The following PRKDC variants were observed in gnomAD, a reference collection of about 807,000 sequenced individuals.
PRKDC encodes the protein DNA-dependent protein kinase catalytic subunit.
Under a neutral mutation model 486.9 loss-of-function variants are expected in PRKDC, and 82 were observed. That is an observed-to-expected ratio of 0.17 (90% CI 0.14 to 0.20). PRKDC has a LOEUF of 0.20. PRKDC is among the 10% of genes least tolerant of loss of function. PRKDC has a pLI of 1.00. For synonymous variants in PRKDC, 1,895 were observed against 1,837.0 expected, an observed-to-expected ratio of 1.03 and a Z score of -0.81; for missense variants, 4,504 against 5,038.2, an observed-to-expected ratio of 0.89 and a Z score of 3.21.
At chr8:47,928,605 T>C (rs1270576176) in intron 19 of PRKDC, among the ~76,000 whole-genome samples, 2 of 151,602 alleles carry the variant, frequency 1.3e-5, no homozygotes, top group African/African-American at 4.8e-5. Flanking sequence ...CAGGCTGGAG[T>C]GCAGTGGCAC....
In PRKDC at chr8:47,888,650, G is replaced by C. The variant is rs989583962; in HGVS notation, c.4281C>G (p.Ser1427Arg). Residue 1427 changes from serine to arginine, a missense_variant and splice_region_variant, in exon 34 of 86, where the codon AGC (serine) becomes AGG (arginine). This residue lies in a region of PRKDC where 1,969 missense variants were observed against 2,068.9 expected (regional missense o/e 0.95). Transcript: ENST00000314191. ...AGTTGACGGCACAAAGCTCCTCAAT[G>C]CTGGCCATGTGACAAAACAGTAAAT... is the stretch of plus-strand genomic sequence containing the variant. ...THLREKITAQ[S>R]IEELCAVNLY... The C allele has an allele frequency of 1.3e-6, 2 of 1,577,214 alleles. No individual in the cohort carries two copies. The highest frequency in any genetic ancestry group is 1.7e-6 in the Non-Finnish European group (2 of 1,162,974).
At chr8:47,777,014 GATC>G in intron 84 of PRKDC, 31 bp from the exon 85 acceptor site, 1 of 1,599,724 alleles carries the variant, frequency 6.3e-7, no homozygotes, top group Non-Finnish European at 8.5e-7. Context: ...TTTCCCGGCT[GATC>G]ATAATGGTAT....
intron 21 of PRKDC, among the ~76,000 whole-genome samples, chr8:47,923,807 C>T (rs1460637510): frequency 6.6e-6 from 1 of 152,124 alleles, no homozygotes; most frequent in Non-Finnish European, 1.5e-5. Context: ...CTGAATCCTG[C>T]CAACAACCTA....
rs1363927432 is a variant in PRKDC, at chr8:47,855,233, G to A, written c.6750C>T (p.Ser2250=). 5.0e-6 allele frequency: 8 copies of A among 1,601,610 alleles called. No homozygotes were observed. The highest frequency in any genetic ancestry group is 3.4e-5 in the South Asian group (3 of 88,756). The change falls in exon 50 of 86, where the codon TCC becomes TCT. Residue 2250 remains serine (S), a synonymous_variant. Transcript: ENST00000314191. The stretch of plus-strand genomic sequence containing the variant: ...ACCAGTAAACATACCTATAAGGGAT[G>A]GATAAACAATCCTTCCAGCACTCGA... ...TLVECWKDCL[S]IPYRLIFEKF... is the part of the protein sequence containing the mutation.
chr8:47,897,028 CTG>C, intron 30 of PRKDC, 131 bp downstream of exon 30: 4 of 1,031,868 alleles, frequency 3.9e-6, no homozygotes, highest in Non-Finnish European at 5.5e-6. Flanking sequence ...ACCTCATCAA[CTG>C]TTAATATTCT....
chr8:47,954,781 GA>G (rs758225962), intron 4 of PRKDC, among the ~76,000 whole-genome samples: 32 of 152,108 alleles, frequency 2.1e-4, no homozygotes, highest in Non-Finnish European at 4.1e-4. Context: ...GGAGCAACCA[GA>G]AACAAAGGAA....
At chr8:47,935,275 G>A (rs761187315) in intron 13 of PRKDC, among the ~76,000 whole-genome samples, 22 of 152,174 alleles carry the variant, frequency 1.4e-4, no homozygotes, top group Non-Finnish European at 2.9e-4. Context: ...GCTGAGGCAG[G>A]TGGATCAAAA....
At chr8:47,902,171 C>A (rs182437032) in intron 27 of PRKDC, among the ~76,000 whole-genome samples, 6 of 152,256 alleles carry the variant, frequency 3.9e-5, no homozygotes, top group African/African-American at 4.8e-5. Flanking sequence ...TCTCTACCCC[C>A]CCACCACCCA....
chr8:47,950,103 C>T (rs1322915370), intron 7 of PRKDC, among the ~76,000 whole-genome samples: 1 of 151,890 alleles, frequency 6.6e-6, no homozygotes, highest in Non-Finnish European at 1.5e-5. Flanking sequence ...GAAACCCCAT[C>T]TTTACTAAAA....
chr8:47,828,458 A>G, intron 61 of PRKDC, 111 bp from the exon 62 acceptor site: 1 of 838,914 alleles, frequency 1.2e-6, no homozygotes, highest in East Asian at 2.7e-5. Context: ...CATCTATTAT[A>G]CCTCTCAATT....
At chr8:47,900,722 G>A (rs1314681086) in intron 27 of PRKDC, among the ~76,000 whole-genome samples, 3 of 151,990 alleles carry the variant, frequency 2.0e-5, no homozygotes, top group African/African-American at 4.8e-5. Flanking sequence ...GGTGGCAGGC[G>A]CCTGTAGCCC....
chr8:47,854,408 G>A lies in PRKDC; in HGVS notation c.6762-194C>T, dbSNP rs566934603. Among the ~76,000 whole-genome samples the A allele has an allele frequency of 3.1e-4, 47 of 152,198 alleles. 1 individual carries two copies. Among genetic ancestry groups the A allele is most frequent in the African/African-American group, 9.4e-4 (39 of 41,528 alleles). On this transcript the variant is annotated intron_variant, in intron 50 of 85. Coordinates refer to ENST00000314191, the MANE Select transcript of PRKDC (RefSeq NM_006904.7). Reference sequence around the variant, plus strand: ...GCTGGAGTGCAGTTGGCATGATCTCGGCTTGCTGCAAGCTCTGCCCCCTGG... The same window carrying A: ...GCTGGAGTGCAGTTGGCATGATCTCAGCTTGCTGCAAGCTCTGCCCCCTGG...
chr8:47,784,028 G>A, intron 77 of PRKDC: 1 of 515,828 alleles, frequency 1.9e-6, no homozygotes, highest in Non-Finnish European at 3.5e-6. Flanking sequence ...GGAGGCCAAG[G>A]CGAGCAGATC....
chr8:47,862,063 T>C lies in PRKDC; in HGVS notation c.5984A>G (p.Glu1995Gly). The C allele has an allele frequency of 6.5e-7, 1 of 1,549,126 alleles. No individual in the cohort carries two copies. Among genetic ancestry groups the C allele is most frequent in the Non-Finnish European group, 8.7e-7 (1 of 1,144,584 alleles). The change falls in exon 44 of 86, where the codon GAG becomes GGG. Residue 1995 changes from glutamate to glycine, a missense_variant and splice_region_variant. Glu to Gly is a moderately conservative substitution (Grantham distance 98). Coordinates refer to ENST00000314191, the MANE Select transcript of PRKDC (RefSeq NM_006904.7). ...KRRYNFPVEV[E>G]VPMERKKKYI... is the part of the protein sequence containing the mutation. ...TTTAACATTGAAAATTTCACTCACCTCAACTTCTACAGGAAAATTATAGCG... is the reference window on the plus strand; with the variant it reads ...TTTAACATTGAAAATTTCACTCACCCCAACTTCTACAGGAAAATTATAGCG...
intron 57 of PRKDC, 149 bp downstream of exon 57, chr8:47,837,063 G>C (rs1347245118): frequency 1.2e-6 from 1 of 841,212 alleles, no homozygotes; most frequent in East Asian, 2.7e-5. Flanking sequence ...ACCTCCAGGT[G>C]GCTGAAGCAG....
chr8:47,934,432 G>A (rs1334824805), intron 14 of PRKDC, among the ~76,000 whole-genome samples: 1 of 152,192 alleles, frequency 6.6e-6, no homozygotes, highest in Non-Finnish European at 1.5e-5. Context: ...CTACTTGGGA[G>A]GCTAAGACAG....
chr8:47,831,998 C>T (rs1162479313), intron 59 of PRKDC, 72 bp from the exon 60 acceptor site: 20 of 1,391,612 alleles, frequency 1.4e-5, no homozygotes, highest in Non-Finnish European at 1.9e-5. Flanking sequence ...ATTTTCACCT[C>T]GGGTTTCCTC....
chr8:47,913,554 A>G (rs1453575847), intron 24 of PRKDC, among the ~76,000 whole-genome samples: 2 of 151,980 alleles, frequency 1.3e-5, no homozygotes, highest in South Asian at 2.1e-4. Context: ...ATGCCAGCAC[A>G]CCTAATTTTT....
intron 14 of PRKDC, among the ~76,000 whole-genome samples, chr8:47,934,401 G>A (rs1409220630): frequency 1.3e-5 from 2 of 152,192 alleles, no homozygotes; most frequent in East Asian, 3.9e-4. Context: ...TGGGCAAGGT[G>A]GCGGTCGCCT....
Sources: allele counts gnomAD v4.1 joint callset (sites outside exome capture counted in the v4.1 genomes callset), GRCh38; gene constraint gnomAD v4.1.1; regional missense constraint gnomAD v4.1.1; transcripts MANE v1.5; gene names NCBI Gene and HGNC (gene_info 2026-07-23, HGNC 2026-07-21).